ZMYND8: variants seen among roughly 807,000 people sequenced by gnomAD.
ZMYND8 encodes the protein zinc finger MYND-type containing 8, also known as MYND-type zinc finger-containing chromatin reader ZMYND8.
In ZMYND8, 37 loss-of-function variants were observed where a neutral mutation model predicts 140.8. The ratio of observed to expected loss-of-function variants is 0.26; its 90% CI spans 0.20 to 0.35. The LOEUF (loss-of-function observed/expected upper bound fraction) is 0.35. ZMYND8 is among the 10% of genes least tolerant of loss of function. ZMYND8 has a pLI of 1.00. For missense variants in ZMYND8, 1,068 were observed against 1,570.0 expected, an observed-to-expected ratio of 0.68 and a Z score of 5.40; for synonymous variants, 592 against 597.1, an observed-to-expected ratio of 0.99 and a Z score of 0.12.
At chr20:47,315,228 T>C (rs1262301242) in intron 2 of ZMYND8, among the ~76,000 whole-genome samples, 3 of 151,896 alleles carry the variant, frequency 2.0e-5, no homozygotes, top group Admixed American at 1.3e-4. Flanking sequence ...CAGCAAGAGG[T>C]AGGGGGAGGT....
chr20:47,211,948 G>A (rs771174966), intron 22 of ZMYND8, among the ~76,000 whole-genome samples: 9 of 152,198 alleles, frequency 5.9e-5, no homozygotes, highest in Non-Finnish European at 1.0e-4. Flanking sequence ...TAGTTACTCA[G>A]GAGAGAACTC....
chr20:47,282,921 C>T (rs1390728177), intron 9 of ZMYND8, among the ~76,000 whole-genome samples: 2 of 152,036 alleles, frequency 1.3e-5, no homozygotes, highest in Admixed American at 6.6e-5. Flanking sequence ...TATTTTGCTA[C>T]CTTTATTCTT....
intron 3 of ZMYND8, among the ~76,000 whole-genome samples, chr20:47,302,891 A>G (rs932685372): frequency 6.6e-6 from 1 of 152,232 alleles, no homozygotes; most frequent in African/African-American, 2.4e-5. Flanking sequence ...TCCAGGGCAC[A>G]GGCTCTCAAT....
chr20:47,266,424 G>GC (rs1346042767), intron 11 of ZMYND8, among the ~76,000 whole-genome samples: 1 of 152,094 alleles, frequency 6.6e-6, no homozygotes, highest in Non-Finnish European at 1.5e-5. Flanking sequence ...GGGATTACAG[G>GC]CGCCCACCAC....
chr20:47,227,007 A>G (rs1407703341), intron 18 of ZMYND8, among the ~76,000 whole-genome samples, 196 bp downstream of exon 18: 1 of 152,094 alleles, frequency 6.6e-6, no homozygotes, highest in Admixed American at 6.5e-5. Flanking sequence ...GAACAGAGGA[A>G]AGGGGGGCTC....
Position 47,337,405 on chromosome 20 carries a change from G to A in ZMYND8, c.85+10451C>T, listed in dbSNP as rs938593037. On this transcript the variant is annotated intron_variant, in intron 2 of 22. Coordinates refer to ENST00000471951, the MANE Select transcript of ZMYND8 (RefSeq NM_001281775.3). ...CAAAGGGCCGGGAGTGGTGGCTCAC[G>A]CCTGTAAACCTAGCACTTTGGAAAG... 1.3e-4 allele frequency among the ~76,000 whole-genome samples: 20 copies of A among 152,194 alleles called. No individual in the cohort carries two copies. The South Asian group carries it at 1.9e-3, about 14-fold the overall frequency.
intron 9 of ZMYND8, among the ~76,000 whole-genome samples, chr20:47,283,249 T>A (rs2076719121): frequency 6.6e-6 from 1 of 152,156 alleles, no homozygotes; most frequent in Non-Finnish European, 1.5e-5. Flanking sequence ...AAATCCACAC[T>A]GATTTAAGCT....
At chr20:47,228,108 A>AT (rs1313423606) in intron 17 of ZMYND8, among the ~76,000 whole-genome samples, 35 of 150,426 alleles carry the variant, frequency 2.3e-4, no homozygotes, top group Admixed American at 1.7e-3. Flanking sequence ...AAAAAAAAAA[A>AT]TTTAATTTAA....
chr20:47,278,998 G>T (rs1367925461), intron 10 of ZMYND8, among the ~76,000 whole-genome samples: 1 of 151,224 alleles, frequency 6.6e-6, no homozygotes, highest in Non-Finnish European at 1.5e-5. Flanking sequence ...CAAGAGGCAG[G>T]GCCACCAGGA....
rs557033192 is a variant in ZMYND8 at position 47,234,019 on chromosome 20, A to G, written c.2856+2307T>C. Among the ~76,000 whole-genome samples the G allele has an allele frequency of 6.8e-3, 1,032 of 152,294 alleles. 12 individuals carry two copies. Among genetic ancestry groups the G allele is most frequent in the African/African-American group, 0.024 (994 of 41,558 alleles). On this transcript the variant is annotated intron_variant, in intron 16 of 22. Transcript: ENST00000471951. Reference sequence around the variant, plus strand: ...TGTCACTTCTGTGACTGGCCTAAGTAAGCCTGTCACTTCCATCTTGCCAGC... The same window carrying G: ...TGTCACTTCTGTGACTGGCCTAAGTGAGCCTGTCACTTCCATCTTGCCAGC...
At chr20:47,316,488 G>A (rs1407051400) in intron 2 of ZMYND8, among the ~76,000 whole-genome samples, 1 of 151,828 alleles carries the variant, frequency 6.6e-6, no homozygotes, top group African/African-American at 2.4e-5. Flanking sequence ...CCTGAGCCAA[G>A]AGTATGAAGA....
In ZMYND8 at chr20:47,246,192, T is replaced by C. The variant is rs1568978037; in HGVS notation, c.2100A>G (p.Lys700=). ...TATCCTTTATGGGGTGAGGTGAAGG[T>C]TTTGCCTTTTCGGAAAAGTCCTTCT... The part of the protein sequence containing the change: ...EPEKDFSEKA[K]PSPHPIKDKL... The change falls in exon 14 of 23, where the codon AAA becomes AAG. Residue 700 remains lysine, a synonymous_variant. Transcript: ENST00000471951. The C allele has an allele frequency of 1.2e-6, 2 of 1,614,128 alleles. No homozygotes were observed. Among genetic ancestry groups the C allele is most frequent in the Non-Finnish European group, 1.7e-6 (2 of 1,180,026 alleles).
At chr20:47,242,429 T>C (rs1371982391) in intron 14 of ZMYND8, among the ~76,000 whole-genome samples, 2 of 152,244 alleles carry the variant, frequency 1.3e-5, no homozygotes, top group Non-Finnish European at 2.9e-5. Context: ...AGTCCCCGCC[T>C]CTTCCAGGTG....
intron 15 of ZMYND8, chr20:47,238,486 C>A: frequency 1.8e-6 from 1 of 547,266 alleles, no homozygotes; most frequent in Admixed American, 3.2e-5. Flanking sequence ...GGATAACAGA[C>A]TTTTATGTAA....
Position 47,236,393 on chromosome 20 carries a change from T to G in ZMYND8, c.2789A>C (p.Asn930Thr). Residue 930 changes from asparagine to threonine, a missense_variant, in exon 16 of 23, where the codon AAC (asparagine) becomes ACC (threonine). By Grantham distance (65) the Asn-to-Thr change is moderately conservative. This residue lies in a region of ZMYND8 where 383 missense variants were observed against 431.2 expected (regional missense o/e 0.89). Transcript: ENST00000471951. ...GSMSTLVSSV[N>T]ADLPIATASA... is the part of the protein sequence containing the mutation. ...GGCAGTGGCGATGGGCAGGTCAGCG[T>G]TGACTGAGGACACAAGGGTGCTCAT... 1 of 1,614,138 alleles carries G rather than the reference T, an allele frequency of 6.2e-7. No homozygotes were observed. Among genetic ancestry groups the G allele is most frequent in the Non-Finnish European group, 8.5e-7 (1 of 1,180,016 alleles).
chr20:47,260,151 C>T (rs1269859143), intron 12 of ZMYND8, among the ~76,000 whole-genome samples: 1 of 152,194 alleles, frequency 6.6e-6, no homozygotes, highest in African/African-American at 2.4e-5. Context: ...TCTCCCTGGC[C>T]TCCCTCCATT....
At chr20:47,212,584 G>T in intron 22 of ZMYND8, 58 bp downstream of exon 22, 1 of 1,571,622 alleles carries the variant, frequency 6.4e-7, no homozygotes, top group Non-Finnish European at 8.8e-7. Context: ...CACAGAACAA[G>T]CCTTCTGCAT....
At chr20:47,294,355 A>G (rs1413738440) in intron 5 of ZMYND8, among the ~76,000 whole-genome samples, 2 of 144,602 alleles carry the variant, frequency 1.4e-5, no homozygotes, top group East Asian at 4.0e-4. Flanking sequence ...CCATCTCAGA[A>G]AAACAAACAA....
intron 21 of ZMYND8, among the ~76,000 whole-genome samples, chr20:47,214,937 G>T (rs1185014155): frequency 1.3e-5 from 2 of 152,196 alleles, no homozygotes; most frequent in South Asian, 2.1e-4. Flanking sequence ...AGTCTCTGCT[G>T]CTGACCACGG....
Sources: allele counts gnomAD v4.1 joint callset (sites outside exome capture counted in the v4.1 genomes callset), GRCh38; gene constraint gnomAD v4.1.1; regional missense constraint gnomAD v4.1.1; transcripts MANE v1.5; gene names NCBI Gene and HGNC (gene_info 2026-07-23, HGNC 2026-07-21).